Variants in ZNF800 observed in about 807,000 individuals in gnomAD.
The protein encoded by ZNF800 is zinc finger protein 800.
A neutral mutation model predicts 59.5 loss-of-function variants in ZNF800; 13 were observed. That is an observed-to-expected ratio of 0.22 (90% CI 0.14 to 0.35). The LOEUF is 0.35. Ranked by LOEUF, ZNF800 falls within the 10% of genes least tolerant of loss-of-function variation. The pLI, the probability that ZNF800 is intolerant of heterozygous loss-of-function variation, is 1.00. For missense variants in ZNF800, 621 were observed against 783.7 expected (o/e 0.79, Z 2.48); for synonymous variants, 266 against 265.7 (o/e 1.00, Z -0.01).
chr7:127,383,585 C>T (rs1275740224), intron 3 of ZNF800, among the ~76,000 whole-genome samples: 1 of 152,196 alleles, frequency 6.6e-6, no homozygotes, highest in Non-Finnish European at 1.5e-5. Context: ...CCAAGTTATA[C>T]AGTCCAGACT....
At chr7:127,376,980 C>T (rs1587443652) in intron 4 of ZNF800, among the ~76,000 whole-genome samples, 1 of 151,996 alleles carries the variant, frequency 6.6e-6, no homozygotes, top group East Asian at 1.9e-4. Context: ...AAGTGGAAAG[C>T]ATTGATATGA....
At chr7:127,372,743 CT>C in intron 5 of ZNF800, 1 of 985,362 alleles carries the variant, frequency 1.0e-6, no homozygotes, top group Non-Finnish European at 1.2e-6. Context: ...TTACCACCAA[CT>C]TTCCCCCTTT....
Position 127,392,317 on chromosome 7 carries a change from T to C in ZNF800, c.-316A>G, listed in dbSNP as rs1801361132. 1 of 384,174 alleles carries C rather than the reference T, an allele frequency of 2.6e-6. No homozygotes were observed. Among genetic ancestry groups the C allele is most frequent in the Non-Finnish European group, 4.6e-6 (1 of 216,892 alleles). The allele number at this position is 384,174 out of a possible 1,614,324, so 23.8% of individuals were successfully genotyped here. On this transcript the variant is annotated 5_prime_UTR_variant, in exon 1 of 6. Transcript: ENST00000265827. The stretch of plus-strand genomic sequence containing the variant: ...GCGGCTCACGGCGTCCTCCGCGCTG[T>C]GTGGCTAGGCGGGAGGCGCGCGGGC...
At chr7:127,385,786 CT>C (rs1256317898) in intron 3 of ZNF800, among the ~76,000 whole-genome samples, 4 of 151,982 alleles carry the variant, frequency 2.6e-5, no homozygotes, top group African/African-American at 9.7e-5. Context: ...TTAAGAAGTG[CT>C]TTACCAGAAA....
At chr7:127,347,865 C>G (rs1800096319) in exon 2 of ZNF800, 1 of 150,932 alleles carries the variant, frequency 6.6e-6, no homozygotes, top group Non-Finnish European at 1.5e-5. Context: ...GCTCACGGAG[C>G]CGCGGGCTTC....
At chr7:127,355,085 T>C (rs1377770592) in intron 1 of ZNF800, among the ~76,000 whole-genome samples, 1 of 152,084 alleles carries the variant, frequency 6.6e-6, no homozygotes, top group Non-Finnish European at 1.5e-5. Context: ...AATTTTGTGG[T>C]AGAGTTTCAA....
chr7:127,386,307 A>C, intron 2 of ZNF800, 152 bp from the exon 3 acceptor site: 1 of 425,710 alleles, frequency 2.3e-6, no homozygotes, highest in East Asian at 3.6e-5. Context: ...ATATGTAGAT[A>C]TATATATAAT....
At chr7:127,359,121 T>C (rs945451029) in intron 1 of ZNF800, among the ~76,000 whole-genome samples, 1 of 152,106 alleles carries the variant, frequency 6.6e-6, no homozygotes, top group Admixed American at 6.6e-5. Flanking sequence ...ATACAAAGGC[T>C]TGCATTACTC....
intron 3 of ZNF800, among the ~76,000 whole-genome samples, chr7:127,379,536 T>A (rs1587446598): frequency 6.6e-6 from 1 of 152,286 alleles, no homozygotes; most frequent in South Asian, 2.1e-4. Flanking sequence ...TGTACATGGC[T>A]GCAGATTTAA....
intron 2 of ZNF800, among the ~76,000 whole-genome samples, chr7:127,388,485 C>T (rs937351086): frequency 1.3e-5 from 2 of 152,144 alleles, no homozygotes; most frequent in African/African-American, 4.8e-5. Flanking sequence ...TCAAAGTCTG[C>T]CTCTATCAGT....
chr7:127,362,968 G>GCAAA (rs1368740181), intron 1 of ZNF800: 6 of 152,182 alleles, frequency 3.9e-5, no homozygotes, highest in Middle Eastern at 3.4e-3. Flanking sequence ...GGAAGGGGAA[G>GCAAA]CAAACGTGAA....
At chr7:127,344,103 T>C (rs1800017112), downstream of ZNF800, among the ~76,000 whole-genome samples, 1 of 151,980 alleles carries the variant, frequency 6.6e-6, no homozygotes, top group Non-Finnish European at 1.5e-5. Flanking sequence ...GAGGTATAAA[T>C]ATTATAAAGG....
At chr7:127,388,950 C>A (rs937295157) in intron 2 of ZNF800, among the ~76,000 whole-genome samples, 9 of 152,134 alleles carry the variant, frequency 5.9e-5, no homozygotes, top group African/African-American at 1.2e-4. Context: ...TCAGACCCAC[C>A]CAGGTTACAT....
intron 3 of ZNF800, among the ~76,000 whole-genome samples, chr7:127,379,654 T>C (rs980416708): frequency 2.0e-5 from 3 of 152,098 alleles, no homozygotes; most frequent in Non-Finnish European, 4.4e-5. Context: ...CCTACCAGCT[T>C]CTCAATCACA....
chr7:127,381,368 T>A (rs1800970838), intron 3 of ZNF800, among the ~76,000 whole-genome samples: 1 of 152,158 alleles, frequency 6.6e-6, no homozygotes, highest in African/African-American at 2.4e-5. Context: ...AACGTAAGGA[T>A]TCAAAGATAC....
chr7:127,392,295 G>A lies in ZNF800; in HGVS notation c.-294C>T. Reference sequence around the variant, plus strand: ...GCGGGCCGAGACGACTGCGGCGGCGGCTCACGGCGTCCTCCGCGCTGTGTG... The same window carrying A: ...GCGGGCCGAGACGACTGCGGCGGCGACTCACGGCGTCCTCCGCGCTGTGTG... On this transcript the variant is annotated 5_prime_UTR_variant, in exon 1 of 6. Transcript: ENST00000265827. The A allele has an allele frequency of 2.6e-6, 1 of 389,062 alleles. No homozygotes were observed. Among genetic ancestry groups the A allele is most frequent in the Non-Finnish European group, 4.6e-6 (1 of 219,752 alleles). 24.1% of individuals were successfully genotyped at this position (389,062 alleles called of 1,614,324 possible). A position where few individuals can be genotyped will look rare whatever the true frequency, so the allele number is the denominator to read the frequency against.
At chr7:127,372,138 T>C (rs1800648505) in intron 5 of ZNF800, among the ~76,000 whole-genome samples, 2 of 152,256 alleles carry the variant, frequency 1.3e-5, no homozygotes, top group South Asian at 4.2e-4. Flanking sequence ...TCATTTTATG[T>C]TGCATTTTTT....
chr7:127,343,399 T>C (rs910836152), downstream of ZNF800, among the ~76,000 whole-genome samples: 1 of 151,658 alleles, frequency 6.6e-6, no homozygotes, highest in East Asian at 1.9e-4. Context: ...ATATTTTTAA[T>C]TATAATTATA....
At chr7:127,351,687 G>A (rs762981547) in intron 1 of ZNF800, among the ~76,000 whole-genome samples, 5 of 152,186 alleles carry the variant, frequency 3.3e-5, no homozygotes, top group African/African-American at 4.8e-5. Context: ...ACTGCTGACT[G>A]CTGAAATCCT....
Sources: gnomAD v4.1 joint callset for allele counts (sites outside exome capture counted in the v4.1 genomes callset) on GRCh38, gnomAD v4.1.1 for gene constraint, MANE v1.5 for transcripts, NCBI Gene and HGNC (gene_info 2026-07-23, HGNC 2026-07-21) for gene names.